The following OR6K3 variants were observed in gnomAD, a reference collection of about 807,000 sequenced individuals.
OR6K3 encodes the protein olfactory receptor 6K3.
For missense variants in OR6K3, 396 were observed against 382.5 expected (o/e 1.04, Z -0.29); for synonymous variants, 169 against 137.7 (o/e 1.23, Z -1.59).
chr1:158,721,443 T>C (rs546230940), upstream of OR6K3, among the ~76,000 whole-genome samples: 35 of 152,028 alleles, frequency 2.3e-4, no homozygotes, highest in Non-Finnish European at 3.7e-4. Context: ...CATCTTCTTC[T>C]GGAAATATGT....
chr1:158,719,968 A>G (rs917434666), intron 1 of OR6K3, among the ~76,000 whole-genome samples: 1 of 152,044 alleles, frequency 6.6e-6, no homozygotes, highest in African/African-American at 2.4e-5. Context: ...CAGACAGGTT[A>G]AGTTCTTTGT....
At position 158,717,021 on chromosome 1, in the gene OR6K3, G is replaced by A. The variant is rs570061993; in HGVS notation, c.*147C>T. On this transcript the variant is annotated 3_prime_UTR_variant, in exon 2 of 2. Coordinates refer to ENST00000368145, the MANE Select transcript of OR6K3 (RefSeq NM_001005327.3). The stretch of plus-strand genomic sequence containing the variant: ...TAATCGCGGCTACTAGGGAGGCTGA[G>A]GCAGGAGAATTGTTCAAAACCAGGA... The A allele has an allele frequency of 5.6e-5, 36 of 647,496 alleles. No individual in the cohort carries two copies. The East Asian group carries it at 9.0e-4, about 16-fold the overall frequency. The allele number at this position is 647,496 out of a possible 1,614,324, so 40.1% of individuals were successfully genotyped here.
rs550637792 is a variant in OR6K3, at chr1:158,717,701, G to C, written c.415C>G (p.Arg139Gly). 2 of 1,613,610 alleles carry C rather than the reference G, an allele frequency of 1.2e-6. No homozygotes were observed. Among genetic ancestry groups the C allele is most frequent in the Non-Finnish European group, 1.7e-6 (2 of 1,179,824 alleles). ...PLRYQMIMTP[R>G]LCAQLSAGSC... ...CCTGCAGAGAGTTGAGCACAGAGCC[G>C]GGGGGTCATGATCATTTGATAGCGA... is the stretch of plus-strand genomic sequence containing the variant. The change falls in exon 2 of 2, where the codon CGG becomes GGG. Residue 139 changes from arginine to glycine, a missense_variant. Coordinates refer to ENST00000368145, the MANE Select transcript of OR6K3 (RefSeq NM_001005327.3).
Position 158,716,575 on chromosome 1 carries a change from T to G in OR6K3, c.*593A>C, listed in dbSNP as rs960634535. ...GTCAGCTTCTGAAGCTCAAGCTCTG[T>G]AGTTCTAACCCTCTAAAGTGGCAAA... On this transcript the variant is annotated 3_prime_UTR_variant, in exon 2 of 2. Transcript: ENST00000368145. 9 of 152,362 alleles carry G rather than the reference T, an allele frequency of 5.9e-5. No homozygotes were observed. The highest frequency in any genetic ancestry group is 5.9e-4 in the Admixed American group (9 of 15,284). The allele number at this position is 152,362 out of a possible 1,614,324, so 9.4% of individuals were successfully genotyped here.
Position 158,717,301 on chromosome 1 carries a change from G to A in OR6K3, c.815C>T (p.Ala272Val). The A allele has an allele frequency of 6.2e-7, 1 of 1,613,614 alleles. No individual in the cohort carries two copies. Residue 272 changes from alanine to valine, a missense_variant, in exon 2 of 2, where the codon GCC becomes GTC. Ala to Val is a moderately conservative substitution (Grantham distance 64). Transcript: ENST00000368145. ...SDTYPPVLDT[A>V]IALMFTVLAP... is the part of the protein sequence containing the mutation. ...AAGTACAGTAAACATCAGTGCAATG[G>A]CTGTGTCCAAAACTGGTGGATAAGT...
intron 1 of OR6K3, among the ~76,000 whole-genome samples, chr1:158,720,418 G>A (rs1656258357): frequency 1.3e-5 from 2 of 152,084 alleles, no homozygotes; most frequent in African/African-American, 4.8e-5. Flanking sequence ...TGACAATTCA[G>A]TTCTAATGAG....
At chr1:158,720,072 C>T (rs1211946663) in intron 1 of OR6K3, among the ~76,000 whole-genome samples, 1 of 151,986 alleles carries the variant, frequency 6.6e-6, no homozygotes, top group African/African-American at 2.4e-5. Context: ...CAGTTGACTG[C>T]CTCTACCAAT....
At chr1:158,720,122 A>T (rs553427428) in intron 1 of OR6K3, among the ~76,000 whole-genome samples, 2 of 152,198 alleles carry the variant, frequency 1.3e-5, no homozygotes, top group South Asian at 4.1e-4. Context: ...TTAGGAATAT[A>T]GGAAACACTT....
rs149886388 is a variant in OR6K3 at position 158,717,642 on chromosome 1, G to T, written c.474C>A (p.Pro158=). 4 of 1,613,782 alleles carry T rather than the reference G, an allele frequency of 2.5e-6. No individual in the cohort carries two copies. In the South Asian group the frequency reaches 3.3e-5, roughly 13 times the overall value. ...GCAGTGTGGAAATCATCACAATCTC[G>T]GGAAGCAGGATAAGGAAACCGAAGA... is the stretch of plus-strand genomic sequence containing the variant. The part of the protein sequence containing the change: ...SCLFGFLILL[P]EIVMISTLPF... Residue 158 remains proline (P), a synonymous_variant, in exon 2 of 2, where the codon CCC becomes CCA. Coordinates refer to ENST00000368145, the MANE Select transcript of OR6K3 (RefSeq NM_001005327.3).
In OR6K3 at chr1:158,717,654, A is replaced by G. The variant is rs982764143; in HGVS notation, c.462T>C (p.Leu154=). Residue 154 remains leucine (L), a synonymous_variant, in exon 2 of 2, where the codon CTT becomes CTC. Transcript: ENST00000368145. ...TCATCACAATCTCGGGAAGCAGGAT[A>G]AGGAAACCGAAGAGGCAGGAACCTG... ...LSAGSCLFGF[L]ILLPEIVMIS... is the part of the protein sequence containing the mutation. 1 of 1,613,730 alleles carries G rather than the reference A, an allele frequency of 6.2e-7. No homozygotes were observed. Among genetic ancestry groups the G allele is most frequent in the African/African-American group, 1.3e-5 (1 of 74,892 alleles).
In OR6K3 at chr1:158,717,445, A is replaced by G; in HGVS notation, c.671T>C (p.Ile224Thr). The G allele has an allele frequency of 6.2e-7, 1 of 1,613,700 alleles. No individual in the cohort carries two copies. Among genetic ancestry groups the G allele is most frequent in the Non-Finnish European group, 8.5e-7 (1 of 1,179,758 alleles). The stretch of plus-strand genomic sequence containing the variant: ...CCCTTCAGAAGAGGGAATCCTCAAT[A>G]TCACAGTGACAATTCTTACATAGGA... ...ALSYVRIVTV[I>T]LRIPSSEGRQ... The change falls in exon 2 of 2, where the codon ATA (isoleucine) becomes ACA (threonine). Residue 224 changes from isoleucine (I) to threonine (T), a missense_variant. Coordinates refer to ENST00000368145, the MANE Select transcript of OR6K3 (RefSeq NM_001005327.3).
chr1:158,717,599 G>T lies in OR6K3; in HGVS notation c.517C>A (p.Gln173Lys), dbSNP rs1180409132. The T allele has an allele frequency of 1.9e-6, 3 of 1,613,794 alleles. No individual in the cohort carries two copies. Among genetic ancestry groups the T allele is most frequent in the Non-Finnish European group, 8.5e-7 (1 of 1,179,832 alleles). Reference sequence around the variant, plus strand: ...AAGTCACAGAAGATCTGATGGATTTGGTTGGGCCCACAGAAAGGCAGTGTG... The same window carrying T: ...AAGTCACAGAAGATCTGATGGATTTTGTTGGGCCCACAGAAAGGCAGTGTG... The part of the protein sequence containing the change: ...ISTLPFCGPN[Q>K]IHQIFCDLVP... Residue 173 changes from glutamine (Q) to lysine (K), a missense_variant, in exon 2 of 2, where the codon CAA becomes AAA. Gln to Lys is a moderately conservative substitution (Grantham distance 53). Transcript: ENST00000368145.
At chr1:158,720,313 G>C (rs918387279) in intron 1 of OR6K3, among the ~76,000 whole-genome samples, 11 of 152,016 alleles carry the variant, frequency 7.2e-5, no homozygotes, top group South Asian at 2.1e-4. Context: ...AAATTAACTT[G>C]GAACTCAGCC....
intron 1 of OR6K3, 89 bp from the exon 2 acceptor site, chr1:158,718,221 A>G (rs939448780): frequency 1.4e-6 from 1 of 718,828 alleles, no homozygotes; most frequent in African/African-American, 1.8e-5. Context: ...GAGAAGTAAG[A>G]AGAACTACCT....
At chr1:158,718,209 T>TA in intron 1 of OR6K3, 77 bp from the exon 2 acceptor site, 4 of 778,390 alleles carry the variant, frequency 5.1e-6, no homozygotes, top group Non-Finnish European at 8.4e-6. Context: ...CTAAACATCT[T>TA]TGAGAAGTAA....
upstream of OR6K3, among the ~76,000 whole-genome samples, chr1:158,722,573 C>T (rs1026056592): frequency 6.6e-6 from 1 of 151,908 alleles, no homozygotes. Flanking sequence ...ATTATTTTTT[C>T]CATCGGTTGT....
upstream of OR6K3, among the ~76,000 whole-genome samples, chr1:158,722,577 C>T (rs10489841): frequency 0.12 from 17,970 of 151,936 alleles, 1,286 homozygotes; most frequent in Non-Finnish European, 0.16. Context: ...TTTTTTCCAT[C>T]GGTTGTATGT....
At chr1:158,719,401 ATC>A (rs1331323764) in intron 1 of OR6K3, among the ~76,000 whole-genome samples, 1 of 151,738 alleles carries the variant, frequency 6.6e-6, no homozygotes, top group African/African-American at 2.4e-5. Context: ...TCTCTAACCA[ATC>A]TCTCTTTCAT....
At chr1:158,720,486 A>G (rs1440453667) in intron 1 of OR6K3, among the ~76,000 whole-genome samples, 197 bp downstream of exon 1, 1 of 152,030 alleles carries the variant, frequency 6.6e-6, no homozygotes, top group African/African-American at 2.4e-5. Context: ...TAAATGTGGC[A>G]TGCTGTTTCA....
Sources: gnomAD v4.1 joint callset for allele counts (sites outside exome capture counted in the v4.1 genomes callset) on GRCh38, gnomAD v4.1.1 for gene constraint, MANE v1.5 for transcripts, NCBI Gene and HGNC (gene_info 2026-07-23, HGNC 2026-07-21) for gene names.